The following FAM161A variants were observed in gnomAD, a reference collection of about 807,000 sequenced individuals.
The protein encoded by FAM161A is FAM161 centrosomal protein A.
A neutral mutation model predicts 70.9 loss-of-function variants in FAM161A; 57 were observed. The observed-to-expected ratio is 0.80, with a 90% CI of 0.65 to 1.00. The LOEUF is 1.00. Ranked by LOEUF, FAM161A falls within the 50% of genes least tolerant of loss-of-function variation. The pLI is 0.00. For synonymous variants in FAM161A, 299 were observed against 295.7 expected (o/e 1.01, Z -0.12); for missense variants, 880 against 836.0 (o/e 1.05, Z -0.65).
chr2:61,828,081 A>T (rs1329401449), intron 5 of FAM161A, among the ~76,000 whole-genome samples: 2 of 152,152 alleles, frequency 1.3e-5, no homozygotes, highest in African/African-American at 4.8e-5. Context: ...AAAAACAAGG[A>T]AGTACTTATC....
At chr2:61,814,995 G>T in the FAM161A span, among the ~76,000 whole-genome samples, 3 of 152,200 alleles carry the variant, frequency 2.0e-5, no homozygotes, top group African/African-American at 7.2e-5. Context: ...TCACTCTGAA[G>T]AGTGAGTGAT....
At chr2:61,804,731 GGAAA>G in the FAM161A span, among the ~76,000 whole-genome samples, 1 of 92,920 alleles carries the variant, frequency 1.1e-5, no homozygotes, top group Non-Finnish European at 2.2e-5. Flanking sequence ...AAAGAAAGAA[GGAAA>G]GAAAGAAAGG....
rs1672806291 is a variant in FAM161A at position 61,837,212 on chromosome 2, G to A, written c.1752-1103C>T. 1.3e-5 allele frequency among the ~76,000 whole-genome samples: 2 copies of A among 152,092 alleles called. 1 individual carries two copies. The highest frequency in any genetic ancestry group is 4.1e-4 in the South Asian group (2 of 4,824). On this transcript the variant is annotated intron_variant, in intron 4 of 6. Coordinates refer to ENST00000404929, the MANE Select transcript of FAM161A (RefSeq NM_001201543.2). ...CCTAAATAAGATCTCCTACAGGTTA[G>A]TGGCAAAGTTAATTCAATGGGAGCA...
intron 1 of FAM161A, 146 bp from the exon 2 acceptor site, chr2:61,842,506 G>T (rs1204504201): frequency 5.0e-6 from 3 of 605,234 alleles, no homozygotes; most frequent in Non-Finnish European, 8.8e-6. Flanking sequence ...TGAGTTATAG[G>T]TTATTTGTGG....
At chr2:61,818,994 T>G in the FAM161A span, among the ~76,000 whole-genome samples, 3 of 152,192 alleles carry the variant, frequency 2.0e-5, no homozygotes, top group Non-Finnish European at 4.4e-5. Flanking sequence ...CCACTTAATG[T>G]CATACAAAGT....
the FAM161A span, among the ~76,000 whole-genome samples, chr2:61,813,045 A>G: frequency 1.3e-5 from 2 of 152,176 alleles, no homozygotes; most frequent in African/African-American, 2.4e-5. Flanking sequence ...CCTGGGCAAC[A>G]GAGCAAGACT....
At chr2:61,826,967 CAT>C in intron 6 of FAM161A, 135 bp downstream of exon 6, 2 of 768,736 alleles carry the variant, frequency 2.6e-6, no homozygotes, top group South Asian at 1.7e-5. Flanking sequence ...TACAACAGTT[CAT>C]ATGTCTTTTA....
Position 61,840,200 on chromosome 2 carries a change from C to T in FAM161A, c.804G>A (p.Ala268=), listed in dbSNP as rs765487110. ...CTGGATCCTCTTCTTGTTTTTTGAG[C>T]GCTTTATGTACCATTTCGATATCTG... ...SKSDIEMVHK[A]LKKQEEDPEY... The change falls in exon 3 of 7, where the codon GCG becomes GCA. Residue 268 remains alanine (A), a synonymous_variant. Coordinates refer to ENST00000404929, the MANE Select transcript of FAM161A (RefSeq NM_001201543.2). 8.1e-6 allele frequency: 13 copies of T among 1,613,848 alleles called. No individual in the cohort carries two copies. The highest frequency in any genetic ancestry group is 3.3e-5 in the South Asian group (3 of 91,040).
chr2:61,805,798 T>C, the FAM161A span, among the ~76,000 whole-genome samples: 1 of 151,988 alleles, frequency 6.6e-6, no homozygotes, highest in Non-Finnish European at 1.5e-5. Flanking sequence ...TTCTGGGCAA[T>C]GCAAAAACAC....
In FAM161A at chr2:61,847,616, C is replaced by T. The variant is rs1198931829; in HGVS notation, c.184-5256G>A. ...CAAGGCCTCATCTCTACAAAAAATA[C>T]AAAAAATTAGCTTGGTGAGGTAGTA... On this transcript the variant is annotated intron_variant, in intron 1 of 6. Coordinates refer to ENST00000404929, the MANE Select transcript of FAM161A (RefSeq NM_001201543.2). 5.3e-5 allele frequency among the ~76,000 whole-genome samples: 8 copies of T among 151,810 alleles called. No homozygotes were observed. In the East Asian group the frequency reaches 1.5e-3, roughly 29 times the overall value.
intron 1 of FAM161A, among the ~76,000 whole-genome samples, chr2:61,850,311 G>A (rs1234531728): frequency 2.0e-5 from 3 of 152,040 alleles, no homozygotes; most frequent in Non-Finnish European, 2.9e-5. Context: ...CAGGAGAATC[G>A]CTTGAACCTG....
At chr2:61,841,222 C>T (rs1026667671) in intron 2 of FAM161A, among the ~76,000 whole-genome samples, 1 of 152,148 alleles carries the variant, frequency 6.6e-6, no homozygotes, top group African/African-American at 2.4e-5. Flanking sequence ...TAATTCCTCA[C>T]TGCTACGAAG....
Position 61,840,124 on chromosome 2 carries a change from G to A in FAM161A, c.880C>T (p.Pro294Ser), listed in dbSNP as rs751327149. The A allele has an allele frequency of 1.2e-6, 2 of 1,614,106 alleles. No individual in the cohort carries two copies. The highest frequency in any genetic ancestry group is 2.2e-5 in the South Asian group (2 of 91,080). ...TGCTTGACTAAATCATGGTAAAGGG[G>A]GAGAAAGACAGATGCAGGAACTGGA... is the stretch of plus-strand genomic sequence containing the variant. Reference protein sequence around the residue: ...ANPVPASVFLPLYHDLVKQKE... With the variant: ...ANPVPASVFLSLYHDLVKQKE... The change falls in exon 3 of 7, where the codon CCC (proline) becomes TCC (serine). Residue 294 changes from proline to serine, a missense_variant. Physicochemically the swap from Pro to Ser is moderately conservative, Grantham distance 74. Coordinates refer to ENST00000404929, the MANE Select transcript of FAM161A (RefSeq NM_001201543.2).
the FAM161A span, among the ~76,000 whole-genome samples, chr2:61,813,598 G>C: frequency 6.7e-6 from 1 of 149,402 alleles, no homozygotes; most frequent in Non-Finnish European, 1.5e-5. Flanking sequence ...ATGCACCTGT[G>C]GTCTCAGCTA....
intron 5 of FAM161A, among the ~76,000 whole-genome samples, chr2:61,833,314 T>C (rs1672651298): frequency 6.6e-6 from 1 of 151,222 alleles, no homozygotes; most frequent in South Asian, 2.1e-4. Flanking sequence ...TAATCCCAGC[T>C]ACTCAGGAGG....
At chr2:61,851,539 T>C (rs1673498158) in intron 1 of FAM161A, among the ~76,000 whole-genome samples, 1 of 152,152 alleles carries the variant, frequency 6.6e-6, no homozygotes, top group South Asian at 2.1e-4. Flanking sequence ...TTTGCCATGT[T>C]GGCCAGGCTG....
rs1183818436 is a variant in FAM161A at position 61,826,022 on chromosome 2, T to C, written c.*433A>G. On this transcript the variant is annotated 3_prime_UTR_variant, in exon 7 of 7. Transcript: ENST00000404929. ...TGAAATGCACTGCAGAGAAAAAGAA[T>C]GGGCAAATAGTATAATTAAAAATAG... The C allele has an allele frequency of 6.6e-6, 3 of 454,344 alleles. No individual in the cohort carries two copies. The highest frequency in any genetic ancestry group is 3.1e-5 in the South Asian group (2 of 64,450). 28.1% of individuals were successfully genotyped at this position (454,344 alleles called of 1,614,324 possible). A position where few individuals can be genotyped will look rare whatever the true frequency, so the allele number is the denominator to read the frequency against.
At chr2:61,801,554 T>A in the FAM161A span, among the ~76,000 whole-genome samples, 1 of 143,122 alleles carries the variant, frequency 7.0e-6, no homozygotes, top group South Asian at 2.1e-4. Flanking sequence ...GAATAATGTT[T>A]TTTGGTTTTT....
the FAM161A span, among the ~76,000 whole-genome samples, chr2:61,815,996 C>T: frequency 6.6e-6 from 1 of 152,110 alleles, no homozygotes; most frequent in South Asian, 2.1e-4. Flanking sequence ...TATGGAAAAT[C>T]AATGTCTTTT....
Sources: allele counts gnomAD v4.1 joint callset (sites outside exome capture counted in the v4.1 genomes callset), GRCh38; gene constraint gnomAD v4.1.1; transcripts MANE v1.5; gene names NCBI Gene and HGNC (gene_info 2026-07-23, HGNC 2026-07-21).